The following BATF variants were observed in gnomAD, a reference collection of about 807,000 sequenced individuals.
The protein encoded by BATF is basic leucine zipper transcriptional factor ATF-like.
BATF carries 5 observed loss-of-function variants against 13.7 expected under a neutral mutation model. The ratio of observed to expected loss-of-function variants is 0.36; its 90% confidence interval spans 0.19 to 0.77. The LOEUF is 0.77. Among genes scored for constraint, BATF ranks in the 30% least tolerant of loss-of-function variants. The probability of loss-of-function intolerance (pLI) is 0.51; values close to 1 mark genes in which losing one functional copy is unlikely to be tolerated. For missense variants in BATF, 124 were observed against 163.0 expected (o/e 0.76, Z 1.30); for synonymous variants, 72 against 67.5 (o/e 1.07, Z -0.33).
chr14:75,534,899 C>T (rs750628641), intron 2 of BATF, among the ~76,000 whole-genome samples: 33 of 152,132 alleles, frequency 2.2e-4, no homozygotes, highest in African/African-American at 7.2e-4. Context: ...GTGTGCATCA[C>T]GATGTTCATC....
intron 2 of BATF, among the ~76,000 whole-genome samples, chr14:75,538,177 T>C (rs886132010): frequency 4.6e-5 from 7 of 152,182 alleles, no homozygotes; most frequent in African/African-American, 1.7e-4. Flanking sequence ...CAGGCTGGTC[T>C]CAAACTTCCG....
intron 2 of BATF, among the ~76,000 whole-genome samples, chr14:75,542,074 C>T (rs1407701030): frequency 6.6e-6 from 1 of 152,202 alleles, no homozygotes; most frequent in African/African-American, 2.4e-5. Flanking sequence ...CCCTGCTCTG[C>T]GCCTCCCTCG....
intron 2 of BATF, among the ~76,000 whole-genome samples, chr14:75,530,059 G>A (rs1233881012): frequency 3.6e-5 from 2 of 56,160 alleles, no homozygotes; most frequent in African/African-American, 9.0e-5. Context: ...GCGAGACTCC[G>A]TCAAAAAAAA....
At chr14:75,527,694 T>C (rs961649304) in intron 2 of BATF, among the ~76,000 whole-genome samples, 4 of 152,148 alleles carry the variant, frequency 2.6e-5, no homozygotes, top group Non-Finnish European at 4.4e-5. Flanking sequence ...TCTCTAGAGC[T>C]TGAGGGTCCA....
chr14:75,546,710 C>T lies in BATF; in HGVS notation c.*39C>T. ...GGAGAGCAGAGCCTCGGGAGGGGCACACAGACTGTGGCAGAGCTGCGCCCA... is the reference window on the plus strand; with the variant it reads ...GGAGAGCAGAGCCTCGGGAGGGGCATACAGACTGTGGCAGAGCTGCGCCCA... On this transcript the variant is annotated 3_prime_UTR_variant, in exon 3 of 3. Coordinates refer to ENST00000286639, the MANE Select transcript of BATF (RefSeq NM_006399.5). The T allele has an allele frequency of 6.6e-7, 1 of 1,520,022 alleles. No individual in the cohort carries two copies. Among genetic ancestry groups the T allele is most frequent in the East Asian group, 2.5e-5 (1 of 40,796 alleles). 94.2% of individuals were successfully genotyped at this position (1,520,022 alleles called of 1,614,324 possible).
chr14:75,525,587 A>G (rs1887640672), intron 2 of BATF, among the ~76,000 whole-genome samples: 2 of 150,268 alleles, frequency 1.3e-5, no homozygotes, highest in Admixed American at 1.3e-4. Flanking sequence ...TCACTTGAAC[A>G]GGCAGAGGTT....
chr14:75,522,722 C>G lies in BATF; in HGVS notation c.40C>G (p.Arg14Gly). The G allele has an allele frequency of 6.2e-7, 1 of 1,614,182 alleles. No individual in the cohort carries two copies. The highest frequency in any genetic ancestry group is 8.5e-7 in the Non-Finnish European group (1 of 1,180,028). Residue 14 changes from arginine (R) to glycine (G), a missense_variant, in exon 1 of 3, where the codon CGC becomes GGC. This residue lies in a region of BATF where 65 missense variants were observed against 113.3 expected (regional missense o/e 0.57). Coordinates refer to ENST00000286639, the MANE Select transcript of BATF (RefSeq NM_006399.5). Reference sequence around the variant, plus strand: ...CGACAGCAGTGACTCCAGCTTCAGCCGCTCTCCTCCCCCTGGCAAACAGGT... The same window carrying G: ...CGACAGCAGTGACTCCAGCTTCAGCGGCTCTCCTCCCCCTGGCAAACAGGT... ...SSDSSDSSFS[R>G]SPPPGKQDSS...
intron 2 of BATF, among the ~76,000 whole-genome samples, chr14:75,532,193 C>A (rs1319690536): frequency 1.3e-5 from 2 of 152,202 alleles, no homozygotes; most frequent in African/African-American, 4.8e-5. Context: ...ATTTTCCTAA[C>A]CATTAAGTTT....
chr14:75,545,639 T>G (rs1013910254), intron 2 of BATF, among the ~76,000 whole-genome samples: 3 of 152,128 alleles, frequency 2.0e-5, no homozygotes, highest in South Asian at 2.1e-4. Context: ...CGGGAGCTTT[T>G]GGAAAACACG....
At chr14:75,528,669 A>G (rs563350771) in intron 2 of BATF, among the ~76,000 whole-genome samples, 8 of 152,360 alleles carry the variant, frequency 5.3e-5, no homozygotes, top group Admixed American at 2.0e-4. Context: ...GGTTCATTGT[A>G]TATAGTACAG....
chr14:75,539,251 A>T (rs2140040731), intron 2 of BATF, among the ~76,000 whole-genome samples: 1 of 152,220 alleles, frequency 6.6e-6, no homozygotes, highest in South Asian at 2.1e-4. Context: ...TCTCGGCATC[A>T]GTCTATGTTG....
At chr14:75,532,971 C>G (rs1375671319) in intron 2 of BATF, among the ~76,000 whole-genome samples, 1 of 152,166 alleles carries the variant, frequency 6.6e-6, no homozygotes. Flanking sequence ...GTACTTTTCT[C>G]TCTTTTTTAT....
intron 2 of BATF, among the ~76,000 whole-genome samples, chr14:75,537,466 T>C (rs372157609): frequency 6.6e-6 from 1 of 152,198 alleles, no homozygotes; most frequent in Non-Finnish European, 1.5e-5. Flanking sequence ...CAACGTGATT[T>C]GATCGAACAC....
Position 75,546,875 on chromosome 14 carries a change from A to G in BATF, c.*204A>G. 1 of 759,512 alleles carries G rather than the reference A, an allele frequency of 1.3e-6. No homozygotes were observed. The highest frequency in any genetic ancestry group is 2.3e-6 in the Non-Finnish European group (1 of 437,278). The allele number at this position is 759,512 out of a possible 1,614,324, so 47.0% of individuals were successfully genotyped here. On this transcript the variant is annotated 3_prime_UTR_variant, in exon 3 of 3. Transcript: ENST00000286639. The stretch of plus-strand genomic sequence containing the variant: ...TTTCGAGGGGCGTGTGCTGGACCCC[A>G]CCACTGTGGGTTGCAGGCCCAATGC...
rs1256553624 is a variant in BATF, at chr14:75,522,477, C to T, written c.-206C>T. ...GAGAGCGTGCAAGCCCCAAAGCGAG[C>T]GACATGTCCCTTTGGGGAGCAGTCC... On this transcript the variant is annotated 5_prime_UTR_variant, in exon 1 of 3. Coordinates refer to ENST00000286639, the MANE Select transcript of BATF (RefSeq NM_006399.5). 18 of 566,924 alleles carry T rather than the reference C, an allele frequency of 3.2e-5. No homozygotes were observed. In the Admixed American group the frequency reaches 4.2e-4, roughly 13 times the overall value. 35.1% of individuals were successfully genotyped at this position (566,924 alleles called of 1,614,324 possible).
rs192161767 is a variant in BATF at position 75,541,228 on chromosome 14, G to T, written c.169-5234G>T. On this transcript the variant is annotated intron_variant, in intron 2 of 2. Coordinates refer to ENST00000286639, the MANE Select transcript of BATF (RefSeq NM_006399.5). Reference sequence around the variant, plus strand: ...CTATTAGATCAGAATCAGGCATCAGGATTGCTAAAGCTCCCCAGGGGACCC... The same window carrying T: ...CTATTAGATCAGAATCAGGCATCAGTATTGCTAAAGCTCCCCAGGGGACCC... Among the ~76,000 whole-genome samples the T allele has an allele frequency of 7.2e-5, 11 of 152,286 alleles. No individual in the cohort carries two copies. The East Asian group carries it at 1.9e-3, about 27-fold the overall frequency.
intron 2 of BATF, among the ~76,000 whole-genome samples, chr14:75,539,248 A>G (rs938460593): frequency 6.6e-6 from 1 of 152,138 alleles, no homozygotes; most frequent in Non-Finnish European, 1.5e-5. Context: ...GCCTCTCGGC[A>G]TCAGTCTATG....
chr14:75,541,167 T>C (rs1887890712), intron 2 of BATF, among the ~76,000 whole-genome samples: 1 of 152,194 alleles, frequency 6.6e-6, no homozygotes, highest in Admixed American at 6.5e-5. Context: ...TCTATCCACC[T>C]TTTTCGTATA....
rs767726640 is a variant in BATF at position 75,525,137 on chromosome 14, C to T, written c.117C>T (p.Ala39=). 3.8e-5 allele frequency: 61 copies of T among 1,613,846 alleles called. 1 individual carries two copies. Among genetic ancestry groups the T allele is most frequent in the African/African-American group, 9.3e-5 (7 of 74,886 alleles). The change falls in exon 2 of 3, where the codon GCC becomes GCT. Residue 39 remains alanine (A), a synonymous_variant. Coordinates refer to ENST00000286639, the MANE Select transcript of BATF (RefSeq NM_006399.5). ...AGAGGAGGGAGAAAAATCGTATTGC[C>T]GCCCAGAAGAGCCGACAGAGGCAGA... The part of the protein sequence containing the change: ...RVQRREKNRI[A]AQKSRQRQTQ...
Sources: allele counts gnomAD v4.1 joint callset (sites outside exome capture counted in the v4.1 genomes callset), GRCh38; gene constraint gnomAD v4.1.1; regional missense constraint gnomAD v4.1.1; transcripts MANE v1.5; gene names NCBI Gene and HGNC (gene_info 2026-07-23, HGNC 2026-07-21).